Variants in RSRP1 observed in about 807,000 individuals in gnomAD.
The protein encoded by RSRP1 is arginine and serine rich protein 1.
A neutral mutation model predicts 33.0 loss-of-function variants in RSRP1; 37 were observed. The observed-to-expected ratio is 1.12, with a 90% CI of 0.86 to 1.48. RSRP1 has a LOEUF of 1.48. Among genes scored for constraint, RSRP1 ranks in the 40% most tolerant of loss-of-function variants. RSRP1 has a pLI of 0.00. For missense variants in RSRP1, 402 were observed against 385.3 expected, an observed-to-expected ratio of 1.04 and a Z score of -0.36; for synonymous variants, 167 against 158.7, an observed-to-expected ratio of 1.05 and a Z score of -0.40.
At position 25,279,072 on chromosome 1, in the gene RSRP1, G is replaced by C. The variant is rs185690508; in HGVS notation, c.-66-32043C>G. The stretch of plus-strand genomic sequence containing the variant: ...GGAGGGGGCGCAGATCCAGAATCAC[G>C]GAGGCAGCTGACCGGAGGAGGCAGC... On this transcript the variant is annotated intron_variant, in intron 1 of 1. Transcript: ENST00000561867. Among the ~76,000 whole-genome samples the C allele has an allele frequency of 1.2e-4, 15 of 128,886 alleles. 2 individuals carry two copies. Among genetic ancestry groups the C allele is most frequent in the African/African-American group, 3.8e-4 (14 of 36,818 alleles). The allele number at this position is 128,886 out of a possible 152,430, so 84.6% of individuals were successfully genotyped here.
chr1:25,283,278 C>G (rs1447948797), intron 1 of RSRP1, among the ~76,000 whole-genome samples: 1 of 132,178 alleles, frequency 7.6e-6, no homozygotes, highest in Admixed American at 7.4e-5. Context: ...TGTCTGTAAT[C>G]CCATCACTTT....
Position 25,273,262 on chromosome 1 carries a change from A to G in RSRP1, c.-66-26233T>C, listed in dbSNP as rs1414118067. 2.4e-5 allele frequency among the ~76,000 whole-genome samples: 3 copies of G among 126,034 alleles called. 1 individual carries two copies. Among genetic ancestry groups the G allele is most frequent in the African/African-American group, 8.1e-5 (3 of 37,120 alleles). 82.7% of individuals were successfully genotyped at this position (126,034 alleles called of 152,430 possible). ...GCAATCTTCCCACCTCAGCCTCCCA[A>G]GAAGCTGGGACCACAGGAGGGCACC... is the stretch of plus-strand genomic sequence containing the variant. On this transcript the variant is annotated intron_variant, in intron 1 of 1. Coordinates refer to the RSRP1 transcript ENST00000561867.
At chr1:25,259,911 G>A (rs1167217574) in intron 1 of RSRP1, among the ~76,000 whole-genome samples, 2 of 152,002 alleles carry the variant, frequency 1.3e-5, no homozygotes, top group Admixed American at 6.6e-5. Flanking sequence ...GGAGAACCTG[G>A]TTGCAGGACA....
chr1:25,258,411 G>T (rs921937631), intron 1 of RSRP1, among the ~76,000 whole-genome samples: 2 of 151,984 alleles, frequency 1.3e-5, no homozygotes, highest in African/African-American at 4.8e-5. Flanking sequence ...AACTCCTGAC[G>T]CTGTGATCCA....
chr1:25,306,895 C>A (rs1643882170), intron 1 of RSRP1: 1 of 755,526 alleles, frequency 1.3e-6, no homozygotes. Context: ...CCAGCCCCTA[C>A]CTTGGATGGA....
At chr1:25,337,058 G>A (rs372785552) in intron 1 of RSRP1, 3 of 170,154 alleles carry the variant, frequency 1.8e-5, no homozygotes, top group East Asian at 1.3e-4. Context: ...CTGAAGTGAA[G>A]GGGGGTTCTG....
At chr1:25,302,273 G>A (rs1371152912) in intron 1 of RSRP1, among the ~76,000 whole-genome samples, 1 of 130,132 alleles carries the variant, frequency 7.7e-6, no homozygotes, top group African/African-American at 2.7e-5. Flanking sequence ...AGTCTTGTGG[G>A]CAGAGATGGG....
At chr1:25,273,302 ATT>A (rs750823240) in intron 1 of RSRP1, among the ~76,000 whole-genome samples, 11 of 97,752 alleles carry the variant, frequency 1.1e-4, no homozygotes, top group African/African-American at 7.4e-5. Flanking sequence ...TGCCTGGCTA[ATT>A]TTTTTTTTTT....
chr1:25,288,385 G>A (rs1309008217), intron 1 of RSRP1, among the ~76,000 whole-genome samples: 1 of 120,716 alleles, frequency 8.3e-6, no homozygotes, highest in African/African-American at 2.8e-5. Flanking sequence ...TCACTATGTT[G>A]CCCAGGCTGG....
At chr1:25,277,354 G>A (rs1250665818) in intron 1 of RSRP1, among the ~76,000 whole-genome samples, 4 of 131,372 alleles carry the variant, frequency 3.0e-5, no homozygotes, top group Non-Finnish European at 5.4e-5. Context: ...CAGACCTGCT[G>A]CCTCAGCATC....
intron 1 of RSRP1, among the ~76,000 whole-genome samples, chr1:25,305,942 G>T (rs2124689244): frequency 7.6e-6 from 1 of 132,008 alleles, no homozygotes; most frequent in South Asian, 2.3e-4. Context: ...TCTAAGGAAG[G>T]AACCAGCCTG....
intron 1 of RSRP1, among the ~76,000 whole-genome samples, chr1:25,286,158 C>T (rs1641968168): frequency 1.5e-5 from 2 of 135,034 alleles, no homozygotes; most frequent in South Asian, 4.4e-4. Context: ...TCCCGATTGG[C>T]CCTGGAGGGA....
At chr1:25,311,733 T>C (rs1294898155) in intron 1 of RSRP1, among the ~76,000 whole-genome samples, 1 of 129,920 alleles carries the variant, frequency 7.7e-6, no homozygotes, top group East Asian at 2.0e-4. Flanking sequence ...GCTCCCCACA[T>C]TTCTGGTGCA....
chr1:25,306,570 C>A (rs1214039017), intron 1 of RSRP1: 2 of 1,375,818 alleles, frequency 1.5e-6, no homozygotes, highest in South Asian at 2.4e-5. Flanking sequence ...ACCTGCCAAT[C>A]TGCTTATAAT....
Position 25,301,602 on chromosome 1 carries a change from C to G in RSRP1, c.-67+36376G>C. On this transcript the variant is annotated intron_variant, in intron 1 of 1. Coordinates refer to the RSRP1 transcript ENST00000561867. Reference sequence around the variant, plus strand: ...CAATCGAAAGGAAGAATGCCGTGTTCAACACCTACTATGCTGTAGCAGTCA... The same window carrying G: ...CAATCGAAAGGAAGAATGCCGTGTTGAACACCTACTATGCTGTAGCAGTCA... 1.4e-6 allele frequency: 2 copies of G among 1,380,124 alleles called. 1 individual carries two copies. Among genetic ancestry groups the G allele is most frequent in the Non-Finnish European group, 2.0e-6 (2 of 979,160 alleles). 85.5% of individuals were successfully genotyped at this position (1,380,124 alleles called of 1,614,324 possible). A position where few individuals can be genotyped will look rare whatever the true frequency, so the allele number is the denominator to read the frequency against.
At position 25,246,487 on chromosome 1, in the gene RSRP1, C is replaced by G; in HGVS notation, c.477G>C (p.Arg159Ser). 1 of 1,614,276 alleles carries G rather than the reference C, an allele frequency of 6.2e-7. No homozygotes were observed. The highest frequency in any genetic ancestry group is 8.5e-7 in the Non-Finnish European group (1 of 1,180,046). Reference protein sequence around the residue: ...EEHSRWRDRSRTRSRSRTPFR... With the variant: ...EEHSRWRDRSSTRSRSRTPFR... Reference sequence around the variant, plus strand: ...AGGGGGTTCTGCTCCGCGACCTCGTCCTGGATCTGTCCCTCCATCTGCTGT... The same window carrying G: ...AGGGGGTTCTGCTCCGCGACCTCGTGCTGGATCTGTCCCTCCATCTGCTGT... The change falls in exon 2 of 5, where the codon AGG (arginine) becomes AGC (serine). Residue 159 changes from arginine (R) to serine (S), a missense_variant. Physicochemically the swap from Arg to Ser is moderately radical, Grantham distance 110 (BLOSUM62 -1). Coordinates refer to ENST00000243189, the MANE Select transcript of RSRP1 (RefSeq NM_020317.5).
In RSRP1 at chr1:25,293,011, G is replaced by A. The variant is rs1426851021; in HGVS notation, c.-67+44967C>T. 6.2e-5 allele frequency among the ~76,000 whole-genome samples: 8 copies of A among 128,224 alleles called. 2 individuals carry two copies. The highest frequency in any genetic ancestry group is 2.2e-4 in the African/African-American group (8 of 36,930). 84.1% of individuals were successfully genotyped at this position (128,224 alleles called of 152,430 possible). A position where few individuals can be genotyped will look rare whatever the true frequency, so the allele number is the denominator to read the frequency against. ...CCAGGTGGGCTGAATGCTGCTGAGA[G>A]GTCAAGTCGGATGAGGGCTGGGAAG... is the stretch of plus-strand genomic sequence containing the variant. On this transcript the variant is annotated intron_variant, in intron 1 of 1. Transcript: ENST00000561867.
At position 25,269,068 on chromosome 1, in the gene RSRP1, G is replaced by A. The variant is rs771950054; in HGVS notation, c.-66-22039C>T. On this transcript the variant is annotated intron_variant, in intron 1 of 1. Transcript: ENST00000561867. ...CAGTTGTTCCTTGACTTTCGATGGG[G>A]TTATGTCCTGATAAAGCCATGGTAA... 2.1e-4 allele frequency among the ~76,000 whole-genome samples: 28 copies of A among 131,708 alleles called. 5 individuals carry two copies. Among genetic ancestry groups the A allele is most frequent in the Admixed American group, 1.6e-3 (21 of 13,548 alleles). 86.4% of individuals were successfully genotyped at this position (131,708 alleles called of 152,430 possible).
At chr1:25,301,347 G>A (rs1240135700) in intron 1 of RSRP1, among the ~76,000 whole-genome samples, 1 of 130,258 alleles carries the variant, frequency 7.7e-6, no homozygotes, top group African/African-American at 2.7e-5. Flanking sequence ...TCTGTAAAAT[G>A]TGGTTAGCTG....
Sources: gnomAD v4.1 joint callset for allele counts (sites outside exome capture counted in the v4.1 genomes callset) on GRCh38, gnomAD v4.1.1 for gene constraint, MANE v1.5 for transcripts, NCBI Gene and HGNC (gene_info 2026-07-23, HGNC 2026-07-21) for gene names.